EXOC4: variants seen among roughly 807,000 people sequenced by gnomAD.
The protein encoded by EXOC4 is exocyst complex component 4, also known as SEC8-like 1.
A neutral mutation model predicts 107.2 loss-of-function variants in EXOC4; 71 were observed. That is an observed-to-expected ratio of 0.66 (90% CI 0.55 to 0.81). EXOC4 has a LOEUF of 0.81. EXOC4 is among the 30% of genes least tolerant of loss of function. The probability of loss-of-function intolerance (pLI) is 0.00; values close to 1 mark genes in which losing one functional copy is unlikely to be tolerated. For missense variants in EXOC4, 1,108 were observed against 1,189.6 expected (o/e 0.93, Z 1.01); for synonymous variants, 456 against 441.2 (o/e 1.03, Z -0.42).
At chr7:133,677,801 C>CT (rs34522992) in intron 10 of EXOC4, among the ~76,000 whole-genome samples, 11 of 151,910 alleles carry the variant, frequency 7.2e-5, no homozygotes, top group Admixed American at 2.0e-4. Context: ...ACTTTGAGGG[C>CT]TTTTTTTGTA....
chr7:134,050,496 TTA>T (rs1491252683), intron 17 of EXOC4, among the ~76,000 whole-genome samples: 3 of 145,162 alleles, frequency 2.1e-5, no homozygotes, highest in African/African-American at 5.2e-5. Context: ...GAGTTTTTTT[TTA>T]AAAAAGATAT....
At chr7:133,523,852 A>C (rs1007745484) in intron 9 of EXOC4, among the ~76,000 whole-genome samples, 2 of 152,106 alleles carry the variant, frequency 1.3e-5, no homozygotes, top group Non-Finnish European at 2.9e-5. Context: ...ACTGTTGGAC[A>C]TTTGGGTTGG....
intron 10 of EXOC4, among the ~76,000 whole-genome samples, chr7:133,687,598 G>T (rs749097302): frequency 8.6e-5 from 13 of 151,972 alleles, no homozygotes; most frequent in Non-Finnish European, 1.9e-4. Flanking sequence ...GGTCAGTCAG[G>T]GAGATTGATT....
intron 17 of EXOC4, among the ~76,000 whole-genome samples, chr7:134,024,361 G>A (rs1653229090): frequency 6.6e-6 from 1 of 151,872 alleles, no homozygotes; most frequent in Non-Finnish European, 1.5e-5. Context: ...TGAGGCAGGA[G>A]AATGGTGTGA....
intron 10 of EXOC4, among the ~76,000 whole-genome samples, chr7:133,738,628 G>A (rs1269614929): frequency 6.6e-6 from 1 of 152,164 alleles, no homozygotes; most frequent in Non-Finnish European, 1.5e-5. Context: ...ATTTTGACAT[G>A]TATTTTTGGA....
intron 15 of EXOC4, among the ~76,000 whole-genome samples, chr7:133,999,262 T>C (rs1354264111): frequency 6.6e-6 from 1 of 152,186 alleles, no homozygotes; most frequent in Admixed American, 6.5e-5. Context: ...CTTTGTTTGA[T>C]AGGTGACCCT....
At chr7:133,318,667 G>A (rs1463000570) in intron 5 of EXOC4, among the ~76,000 whole-genome samples, 1 of 152,148 alleles carries the variant, frequency 6.6e-6, no homozygotes, top group East Asian at 1.9e-4. Flanking sequence ...AATTGGAAAT[G>A]TTTCTGTTGA....
At chr7:133,868,102 T>C (rs1798679746) in intron 11 of EXOC4, among the ~76,000 whole-genome samples, 1 of 152,250 alleles carries the variant, frequency 6.6e-6, no homozygotes, top group African/African-American at 2.4e-5. Context: ...AGAGATCCTT[T>C]TTATTTTTCA....
At chr7:133,435,562 T>C (rs1797951905) in intron 7 of EXOC4, among the ~76,000 whole-genome samples, 1 of 152,198 alleles carries the variant, frequency 6.6e-6, no homozygotes. Context: ...ATTTTGCCCC[T>C]GGAAATGTCC....
chr7:133,313,222 G>T (rs1794916674), intron 4 of EXOC4, among the ~76,000 whole-genome samples: 2 of 140,630 alleles, frequency 1.4e-5, no homozygotes, highest in East Asian at 2.1e-4. Flanking sequence ...CTTCACCCTT[G>T]GTCTGTCATT....
At chr7:133,928,712 G>T (rs1176090733) in intron 13 of EXOC4, among the ~76,000 whole-genome samples, 1 of 151,982 alleles carries the variant, frequency 6.6e-6, no homozygotes, top group African/African-American at 2.4e-5. Context: ...GAAAAATATG[G>T]ATAAACCTAC....
intron 7 of EXOC4, among the ~76,000 whole-genome samples, chr7:133,452,991 G>T (rs1285336968): frequency 7.7e-6 from 1 of 130,106 alleles, no homozygotes; most frequent in Non-Finnish European, 1.6e-5. Context: ...CCCTCTGCCA[G>T]TCTGTAAGTT....
At chr7:133,697,924 A>G (rs939211503) in intron 10 of EXOC4, among the ~76,000 whole-genome samples, 2 of 152,182 alleles carry the variant, frequency 1.3e-5, no homozygotes, top group African/African-American at 4.8e-5. Context: ...GGGAAACCCA[A>G]TGTCTGCTTA....
intron 12 of EXOC4, among the ~76,000 whole-genome samples, chr7:133,896,163 C>T (rs796259838): frequency 6.6e-6 from 1 of 152,146 alleles, no homozygotes; most frequent in South Asian, 2.1e-4. Context: ...TTGTAGCATT[C>T]CTACTGTCAC....
At chr7:133,929,187 T>C (rs1800120345) in intron 13 of EXOC4, among the ~76,000 whole-genome samples, 1 of 152,078 alleles carries the variant, frequency 6.6e-6, no homozygotes, top group Admixed American at 6.6e-5. Context: ...CGCCTTGGCC[T>C]CCCAACGTGC....
Position 133,917,737 on chromosome 7 carries a change from A to G in EXOC4, c.2026A>G (p.Arg676Gly), listed in dbSNP as rs1173135747. The change falls in exon 13 of 18, where the codon AGG becomes GGG. Residue 676 changes from arginine (R) to glycine (G), a missense_variant and splice_region_variant. Physicochemically the swap from Arg to Gly is moderately radical, Grantham distance 125 (BLOSUM62 -2). Coordinates refer to ENST00000253861, the MANE Select transcript of EXOC4 (RefSeq NM_021807.4). ...AAGAGAGGAGGAAGAAGATTTCATA[A>G]GGTAAAAGGTCCATTTTCTAAGTTG... ...PKREEEEDFIRAAFGKESEVL... is the reference protein window; with the variant it reads ...PKREEEEDFIGAAFGKESEVL... The G allele has an allele frequency of 6.2e-7, 1 of 1,613,716 alleles. No individual in the cohort carries two copies. The highest frequency in any genetic ancestry group is 1.7e-5 in the Admixed American group (1 of 59,980).
At chr7:133,518,648 A>ATT (rs1212238882) in intron 9 of EXOC4, among the ~76,000 whole-genome samples, 1 of 152,204 alleles carries the variant, frequency 6.6e-6, no homozygotes, top group Non-Finnish European at 1.5e-5. Flanking sequence ...ATAGCATAGA[A>ATT]TGTTACTCAG....
intron 11 of EXOC4, among the ~76,000 whole-genome samples, chr7:133,821,373 C>G: frequency 6.6e-6 from 1 of 152,176 alleles, no homozygotes; most frequent in East Asian, 1.9e-4. Context: ...GGAGTCAGTG[C>G]TCCCAGCCAG....
chr7:134,083,777 A>G, the EXOC4 span, among the ~76,000 whole-genome samples: 1 of 152,208 alleles, frequency 6.6e-6, no homozygotes, highest in African/African-American at 2.4e-5. Context: ...CTAAAGGTCA[A>G]AATGTAATAG....
Sources: allele counts gnomAD v4.1 joint callset (sites outside exome capture counted in the v4.1 genomes callset), GRCh38; gene constraint gnomAD v4.1.1; transcripts MANE v1.5; gene names NCBI Gene and HGNC (gene_info 2026-07-23, HGNC 2026-07-21).